The following DCLRE1C variants were observed in gnomAD, a reference collection of about 807,000 sequenced individuals.
DCLRE1C encodes protein artemis.
A neutral mutation model predicts 61.4 loss-of-function variants in DCLRE1C; 47 were observed. That is an observed-to-expected ratio of 0.77 (90% confidence interval 0.61 to 0.98). The LOEUF is 0.98. Among genes scored for constraint, DCLRE1C ranks in the 50% least tolerant of loss-of-function variants. DCLRE1C has a pLI of 0.00. For missense variants in DCLRE1C, 858 were observed against 816.0 expected, an observed-to-expected ratio of 1.05 and a Z score of -0.63; for synonymous variants, 337 against 287.6, an observed-to-expected ratio of 1.17 and a Z score of -1.74.
chr10:14,899,716 A>T, downstream of DCLRE1C: 1 of 1,610,734 alleles, frequency 6.2e-7, no homozygotes, highest in Non-Finnish European at 8.5e-7. Flanking sequence ...TTTAGACACG[A>T]CTAACAATTC....
downstream of DCLRE1C, chr10:14,903,944 C>G (rs1834185308): frequency 6.6e-6 from 1 of 152,170 alleles, no homozygotes; most frequent in South Asian, 2.1e-4. Context: ...CAACTTCACT[C>G]TTTCATAATA....
intron 13 of DCLRE1C, among the ~76,000 whole-genome samples, chr10:14,912,244 CAA>C (rs1835377712): frequency 6.6e-6 from 1 of 152,056 alleles, no homozygotes; most frequent in African/African-American, 2.4e-5. Context: ...TAAGCAGAGA[CAA>C]GTTTTCACCA....
chr10:14,929,834 G>A (rs1838673387), intron 9 of DCLRE1C, among the ~76,000 whole-genome samples: 1 of 152,110 alleles, frequency 6.6e-6, no homozygotes, highest in Non-Finnish European at 1.5e-5. Flanking sequence ...CTTTGGTGCT[G>A]TTTCTTAGGA....
rs542173908 is a variant in DCLRE1C at position 14,939,618 on chromosome 10, A to AT, written c.306+191dup. On this transcript the variant is annotated intron_variant, in intron 4 of 13. Transcript: ENST00000378278. ...AATGGACTTACACAATCACAAAGGG[A>AT]TTTTTTTGCCCCTAAAACCCCACTC... is the stretch of plus-strand genomic sequence containing the variant. Among the ~76,000 whole-genome samples, 25 of 152,044 alleles carry AT rather than the reference A, an allele frequency of 1.6e-4. No homozygotes were observed. In the East Asian group the frequency reaches 4.1e-3, roughly 25 times the overall value.
At chr10:14,922,546 T>C (rs1259124241) in intron 12 of DCLRE1C, among the ~76,000 whole-genome samples, 1 of 152,122 alleles carries the variant, frequency 6.6e-6, no homozygotes, top group Non-Finnish European at 1.5e-5. Context: ...ATTGCACCTC[T>C]CCTTTGGCTT....
At chr10:14,934,131 C>T (rs968662716) in intron 8 of DCLRE1C, among the ~76,000 whole-genome samples, 7 of 152,008 alleles carry the variant, frequency 4.6e-5, no homozygotes, top group Admixed American at 3.3e-4. Context: ...AGTTCAAGAC[C>T]AGCCTGGCCA....
chr10:14,899,661 T>C (rs369186882), downstream of DCLRE1C: 2 of 1,613,876 alleles, frequency 1.2e-6, no homozygotes, highest in African/African-American at 1.3e-5. Flanking sequence ...GATACGGCAA[T>C]GTGTCTCATT....
chr10:14,897,801 A>G (rs1833691553), exon 14 of DCLRE1C: 1 of 210,936 alleles, frequency 4.7e-6, no homozygotes, highest in African/African-American at 2.3e-5. Context: ...TTAAAATATG[A>G]CAACTGTTTT....
intron 4 of DCLRE1C, among the ~76,000 whole-genome samples, chr10:14,937,095 G>A (rs147075734): frequency 3.4e-4 from 52 of 152,246 alleles, no homozygotes; most frequent in Middle Eastern, 3.4e-3. Context: ...ATCCGGAATA[G>A]GTGAACCCAT....
chr10:14,928,786 GTTT>G (rs1295642325), intron 9 of DCLRE1C, among the ~76,000 whole-genome samples: 1 of 133,630 alleles, frequency 7.5e-6, no homozygotes, highest in East Asian at 2.2e-4. Context: ...GGTGTATGGT[GTTT>G]TTTTTTTTTT....
intron 13 of DCLRE1C, among the ~76,000 whole-genome samples, chr10:14,911,476 A>G (rs1835249897): frequency 6.6e-6 from 1 of 152,206 alleles, no homozygotes; most frequent in Admixed American, 6.5e-5. Context: ...GCATTCAAAA[A>G]CAAATTATCA....
chr10:14,918,642 AAAG>A (rs772879201), intron 13 of DCLRE1C, among the ~76,000 whole-genome samples: 4 of 152,062 alleles, frequency 2.6e-5, no homozygotes, highest in South Asian at 2.1e-4. Flanking sequence ...AAAAAAAAAA[AAAG>A]AAAAAAACCT....
chr10:14,916,097 C>T (rs1836141565), intron 13 of DCLRE1C, among the ~76,000 whole-genome samples: 1 of 152,158 alleles, frequency 6.6e-6, no homozygotes, highest in Non-Finnish European at 1.5e-5. Context: ...GGAAGTAATT[C>T]TGCCTGACAC....
At chr10:14,954,263 T>C (rs1299803669), upstream of DCLRE1C, 6 of 591,874 alleles carry the variant, frequency 1.0e-5, no homozygotes, top group African/African-American at 1.1e-4. Context: ...CCCTGCCCAG[T>C]GCAAGGCTCA....
At chr10:14,923,363 C>CAA (rs1837442913) in intron 11 of DCLRE1C, 1 of 338,082 alleles carries the variant, frequency 3.0e-6, no homozygotes, top group Non-Finnish European at 5.5e-6. Context: ...CAATGGGACT[C>CAA]AAAGATTCTT....
In DCLRE1C at chr10:14,945,175, A is replaced by G; in HGVS notation, c.176T>C (p.Leu59Pro). 2 of 1,612,982 alleles carry G rather than the reference A, an allele frequency of 1.2e-6. No homozygotes were observed. Among genetic ancestry groups the G allele is most frequent in the Non-Finnish European group, 1.7e-6 (2 of 1,179,486 alleles). Residue 59 changes from leucine (L) to proline (P), a missense_variant, in exon 3 of 14, where the codon CTA becomes CCA. Physicochemically the swap from Leu to Pro is moderately conservative, Grantham distance 98. This residue lies in a region of DCLRE1C where 843 missense variants were observed against 783.5 expected (regional missense o/e 1.08). Transcript: ENST00000378278. ...CTCCTTAGTCACAGGTGAACAGTAT[A>G]GATAAACCTTCAAGCTGAAAGGAAA... ...RRLECSLKVY[L>P]YCSPVTKELL...
chr10:14,911,335 A>T (rs1835221012), intron 13 of DCLRE1C: 1 of 152,236 alleles, frequency 6.6e-6, no homozygotes, highest in Admixed American at 6.5e-5. Flanking sequence ...CTGTTCCTGC[A>T]TAACAAAGGT....
At chr10:14,940,168 C>T (rs1321626529) in intron 3 of DCLRE1C, among the ~76,000 whole-genome samples, 6 of 152,166 alleles carry the variant, frequency 3.9e-5, no homozygotes, top group Admixed American at 2.0e-4. Flanking sequence ...CTACCACTCC[C>T]ATTCCCCTCT....
intron 12 of DCLRE1C, among the ~76,000 whole-genome samples, chr10:14,920,865 A>G (rs10906777): frequency 0.14 from 21,360 of 151,776 alleles, 3,008 homozygotes; most frequent in African/African-American, 0.36. Flanking sequence ...GCCTGGAATC[A>G]CAACTACTCA....
Sources: allele counts gnomAD v4.1 joint callset (sites outside exome capture counted in the v4.1 genomes callset), GRCh38; gene constraint gnomAD v4.1.1; regional missense constraint gnomAD v4.1.1; transcripts MANE v1.5; gene names NCBI Gene and HGNC (gene_info 2026-07-23, HGNC 2026-07-21).